Variants in PPP3R1 observed in about 807,000 individuals in gnomAD.
PPP3R1 encodes the protein calcineurin subunit B type 1.
In PPP3R1, 5 loss-of-function variants were observed where a neutral mutation model predicts 22.6. That is an observed-to-expected ratio of 0.22 (90% CI 0.12 to 0.46). The LOEUF is 0.46. PPP3R1 is among the 20% of genes least tolerant of loss of function. The pLI is 0.99. For missense variants in PPP3R1, 61 were observed against 203.2 expected, an observed-to-expected ratio of 0.30 and a Z score of 4.25; for synonymous variants, 56 against 65.2, an observed-to-expected ratio of 0.86 and a Z score of 0.68.
chr2:68,225,332 G>T (rs938939617), intron 1 of PPP3R1, among the ~76,000 whole-genome samples: 6 of 152,206 alleles, frequency 3.9e-5, no homozygotes, highest in Admixed American at 3.3e-4. Flanking sequence ...AGCAGGAGAG[G>T]AATTCAACAC....
intron 2 of PPP3R1, among the ~76,000 whole-genome samples, chr2:68,202,583 C>A (rs914758035): frequency 1.3e-5 from 2 of 151,834 alleles, no homozygotes; most frequent in African/African-American, 4.8e-5. Context: ...CACAACCATG[C>A]CCGGCTAATT....
chr2:68,240,173 G>T (rs368849186), intron 1 of PPP3R1, among the ~76,000 whole-genome samples: 21 of 152,150 alleles, frequency 1.4e-4, no homozygotes, highest in African/African-American at 4.8e-4. Context: ...CTGAGTCTCA[G>T]CCAATTACAG....
intron 1 of PPP3R1, among the ~76,000 whole-genome samples, chr2:68,250,636 A>G (rs1040787341): frequency 5.9e-5 from 9 of 152,254 alleles, no homozygotes; most frequent in South Asian, 2.1e-4. Flanking sequence ...TGATCTTCCT[A>G]AATTGTTTTG....
chr2:68,249,944 G>T (rs1458250128), intron 1 of PPP3R1, among the ~76,000 whole-genome samples: 3 of 152,130 alleles, frequency 2.0e-5, no homozygotes, highest in Admixed American at 2.0e-4. Context: ...AGAATTGTAT[G>T]TTCAATTAAC....
At chr2:68,227,375 C>T (rs937941113) in intron 1 of PPP3R1, among the ~76,000 whole-genome samples, 2 of 151,980 alleles carry the variant, frequency 1.3e-5, no homozygotes, top group Non-Finnish European at 2.9e-5. Context: ...ATGTAATTAT[C>T]ATAATGAAAT....
chr2:68,190,887 G>A (rs534613307), intron 2 of PPP3R1, among the ~76,000 whole-genome samples: 57 of 152,262 alleles, frequency 3.7e-4, no homozygotes, highest in African/African-American at 1.3e-3. Flanking sequence ...ACAAGTCCCC[G>A]TTTAAGGCTC....
intron 1 of PPP3R1, among the ~76,000 whole-genome samples, chr2:68,223,608 CCAAA>C (rs1434759030): frequency 6.6e-6 from 1 of 151,876 alleles, no homozygotes; most frequent in African/African-American, 2.4e-5. Flanking sequence ...ACATGGCCAA[CCAAA>C]CAGACGCAAT....
chr2:68,246,959 C>T (rs112094453), intron 1 of PPP3R1, among the ~76,000 whole-genome samples: 190 of 151,724 alleles, frequency 1.3e-3, no homozygotes, highest in African/African-American at 4.2e-3. Flanking sequence ...CTATTCCCTG[C>T]CCACCTCCCG....
At chr2:68,213,834 A>G (rs1169230787) in intron 2 of PPP3R1, among the ~76,000 whole-genome samples, 1 of 152,232 alleles carries the variant, frequency 6.6e-6, no homozygotes, top group African/African-American at 2.4e-5. Flanking sequence ...AAACTATTTT[A>G]AAATCCGTAT....
intron 1 of PPP3R1, among the ~76,000 whole-genome samples, chr2:68,251,345 CAA>C (rs1458885508): frequency 2.0e-5 from 3 of 152,140 alleles, no homozygotes; most frequent in African/African-American, 4.8e-5. Flanking sequence ...ACAACCACTC[CAA>C]GAGAGAGACA....
intron 1 of PPP3R1, among the ~76,000 whole-genome samples, chr2:68,234,221 T>C (rs1572974820): frequency 6.6e-6 from 1 of 151,948 alleles, no homozygotes; most frequent in Admixed American, 6.6e-5. Context: ...TAGACACCTG[T>C]AGTCCCAGCT....
chr2:68,245,621 A>G (rs1444189819), intron 1 of PPP3R1, among the ~76,000 whole-genome samples: 2 of 152,170 alleles, frequency 1.3e-5, no homozygotes, highest in Non-Finnish European at 1.5e-5. Context: ...TTTCAACTCT[A>G]TATTTAAAAT....
intron 2 of PPP3R1, among the ~76,000 whole-genome samples, chr2:68,200,099 TA>T (rs751902518): frequency 4.7e-4 from 72 of 152,210 alleles, no homozygotes; most frequent in Non-Finnish European, 6.9e-4. Flanking sequence ...AAAAGGCTAT[TA>T]AGATTTACTA....
At chr2:68,213,062 T>C (rs995770647) in intron 2 of PPP3R1, among the ~76,000 whole-genome samples, 1 of 152,270 alleles carries the variant, frequency 6.6e-6, no homozygotes, top group African/African-American at 2.4e-5. Flanking sequence ...TGTGGCTGGT[T>C]TGACCTGCTA....
intron 1 of PPP3R1, among the ~76,000 whole-genome samples, chr2:68,245,436 T>C (rs376541883): frequency 1.3e-5 from 2 of 152,326 alleles, no homozygotes; most frequent in East Asian, 3.9e-4. Flanking sequence ...CAGTATAATG[T>C]CTCAAGCCTA....
At chr2:68,218,713 G>C (rs2103773593) in intron 1 of PPP3R1, among the ~76,000 whole-genome samples, 1 of 130,468 alleles carries the variant, frequency 7.7e-6, no homozygotes, top group African/African-American at 3.3e-5. Context: ...ACTAAAATTT[G>C]CACTGTCACT....
chr2:68,210,294 T>C (rs904347461), intron 2 of PPP3R1, among the ~76,000 whole-genome samples: 4 of 152,236 alleles, frequency 2.6e-5, no homozygotes, highest in Admixed American at 2.6e-4. Flanking sequence ...TCATCTTAAC[T>C]GGTCCTTCAT....
intron 2 of PPP3R1, among the ~76,000 whole-genome samples, chr2:68,202,791 A>ATTTT (rs1558632604): frequency 3.2e-5 from 3 of 93,554 alleles, no homozygotes; most frequent in South Asian, 3.2e-4. Context: ...GAGTTCAGGG[A>ATTTT]ATTTTTTTTT....
intron 2 of PPP3R1, 47 bp downstream of exon 2, chr2:68,217,045 G>A: frequency 7.3e-7 from 1 of 1,367,692 alleles, no homozygotes; most frequent in Non-Finnish European, 1.0e-6. Context: ...CACACAGAGA[G>A]AGATGAGTGA....
Sources: allele counts gnomAD v4.1 joint callset (sites outside exome capture counted in the v4.1 genomes callset), GRCh38; gene constraint gnomAD v4.1.1; transcripts MANE v1.5; gene names NCBI Gene and HGNC (gene_info 2026-07-23, HGNC 2026-07-21).